The following SLC39A11 variants were observed in gnomAD, a reference collection of about 807,000 sequenced individuals.
SLC39A11 encodes zinc transporter ZIP11.
Under a neutral mutation model 36.1 loss-of-function variants are expected in SLC39A11, and 33 were observed. The observed-to-expected ratio is 0.91, with a 90% CI of 0.69 to 1.22. SLC39A11 has a LOEUF of 1.22. Ranked by LOEUF, SLC39A11 falls within the 50% of genes most tolerant of loss-of-function variation. SLC39A11 has a pLI of 0.00. For synonymous variants in SLC39A11, 166 were observed against 170.3 expected (o/e 0.97, Z 0.20); for missense variants, 432 against 430.3 (o/e 1.00, Z -0.03).
At chr17:72,963,569 A>T (rs377241070) in intron 4 of SLC39A11, among the ~76,000 whole-genome samples, 27 of 152,220 alleles carry the variant, frequency 1.8e-4, no homozygotes, top group Middle Eastern at 3.4e-3. Context: ...GCACGTTGAC[A>T]TTTCTAGGGT....
chr17:72,984,117 T>A (rs1031291797), intron 4 of SLC39A11, among the ~76,000 whole-genome samples: 1 of 151,974 alleles, frequency 6.6e-6, no homozygotes, highest in Non-Finnish European at 1.5e-5. Context: ...CAGAGCCACA[T>A]TGAAATAGAG....
In SLC39A11 at chr17:72,798,508, G is replaced by C. The variant is rs1284304507; in HGVS notation, c.601+51126C>G. On this transcript the variant is annotated intron_variant, in intron 6 of 9. Transcript: ENST00000255559. ...AGCTCTCTGCAACCTCTGCCTTCCA[G>C]GTTCATGCAATTCTCCGACCTCAGC... 8.1e-5 allele frequency among the ~76,000 whole-genome samples: 12 copies of C among 148,800 alleles called. No individual in the cohort carries two copies. In the Admixed American group the frequency reaches 8.3e-4, roughly 10 times the overall value.
chr17:72,888,109 G>A (rs137986788), intron 5 of SLC39A11, among the ~76,000 whole-genome samples: 68 of 152,330 alleles, frequency 4.5e-4, no homozygotes, highest in African/African-American at 1.6e-3. Flanking sequence ...TCTTCCCAGA[G>A]TCGTATGAGT....
chr17:73,026,516 T>TG (rs2058559152), intron 4 of SLC39A11, among the ~76,000 whole-genome samples: 2 of 36,336 alleles, frequency 5.5e-5, no homozygotes, highest in South Asian at 1.3e-3. Flanking sequence ...CGAAACTACA[T>TG]CAAAAAAAAA....
intron 5 of SLC39A11, among the ~76,000 whole-genome samples, chr17:72,912,290 G>A (rs2083054612): frequency 1.3e-5 from 2 of 151,930 alleles, no homozygotes; most frequent in Admixed American, 1.3e-4. Context: ...AGAGGACCTA[G>A]TGCAGTCCCC....
At chr17:73,083,690 A>G (rs1027756344) in intron 3 of SLC39A11, among the ~76,000 whole-genome samples, 2 of 148,324 alleles carry the variant, frequency 1.3e-5, no homozygotes. Context: ...CAAATGACCC[A>G]GTTTCTCCAA....
At chr17:72,660,009 AC>A (rs1222814232) in intron 7 of SLC39A11, among the ~76,000 whole-genome samples, 1 of 151,960 alleles carries the variant, frequency 6.6e-6, no homozygotes, top group Non-Finnish European at 1.5e-5. Context: ...GCGAAGTACC[AC>A]CCCAGGGGTC....
chr17:72,774,001 G>A (rs1168511350), intron 6 of SLC39A11, among the ~76,000 whole-genome samples: 1 of 152,142 alleles, frequency 6.6e-6, no homozygotes, highest in African/African-American at 2.4e-5. Context: ...GAAGCCAGAC[G>A]TGCTAATGGG....
intron 3 of SLC39A11, among the ~76,000 whole-genome samples, chr17:73,061,710 T>C (rs1313627595): frequency 1.3e-5 from 2 of 152,168 alleles, no homozygotes; most frequent in African/African-American, 2.4e-5. Flanking sequence ...AAAAGTTCTG[T>C]GCAGGCTGGG....
chr17:72,819,499 G>A (rs1223360654), intron 6 of SLC39A11, among the ~76,000 whole-genome samples: 2 of 151,298 alleles, frequency 1.3e-5, no homozygotes, highest in Non-Finnish European at 3.0e-5. Flanking sequence ...GGGGGCAGAT[G>A]GCCAATCCCA....
chr17:72,921,337 A>G (rs2083658701), intron 5 of SLC39A11, among the ~76,000 whole-genome samples: 1 of 152,206 alleles, frequency 6.6e-6, no homozygotes, highest in Non-Finnish European at 1.5e-5. Flanking sequence ...CTGAATCAGA[A>G]GACAGTGAGG....
At chr17:72,876,932 C>T (rs1292993436) in intron 5 of SLC39A11, among the ~76,000 whole-genome samples, 1 of 152,200 alleles carries the variant, frequency 6.6e-6, no homozygotes, top group East Asian at 1.9e-4. Context: ...CTACAGAAAC[C>T]ACTCCAATTT....
chr17:73,034,433 G>C (rs2058837809), intron 3 of SLC39A11, among the ~76,000 whole-genome samples: 1 of 152,180 alleles, frequency 6.6e-6, no homozygotes, highest in Non-Finnish European at 1.5e-5. Flanking sequence ...TGTTGGCCAG[G>C]CTGGTCTCGA....
intron 6 of SLC39A11, among the ~76,000 whole-genome samples, chr17:72,774,967 T>C (rs140294529): frequency 6.6e-6 from 1 of 151,882 alleles, no homozygotes; most frequent in Non-Finnish European, 1.5e-5. Context: ...GCACCCATTG[T>C]CAAGGGAGTA....
At chr17:72,757,687 G>A (rs1598600746) in intron 6 of SLC39A11, among the ~76,000 whole-genome samples, 2 of 150,872 alleles carry the variant, frequency 1.3e-5, no homozygotes, top group South Asian at 2.1e-4. Flanking sequence ...TTCTTCCCCT[G>A]GTCACTGGCT....
At chr17:72,851,524 C>T (rs1021464067) in intron 5 of SLC39A11, among the ~76,000 whole-genome samples, 1 of 152,202 alleles carries the variant, frequency 6.6e-6, no homozygotes, top group Non-Finnish European at 1.5e-5. Flanking sequence ...AAGCAAAAGG[C>T]CATTGGTCTG....
intron 4 of SLC39A11, among the ~76,000 whole-genome samples, chr17:73,007,188 C>T (rs930930868): frequency 2.6e-5 from 4 of 152,012 alleles, no homozygotes; most frequent in South Asian, 2.1e-4. Flanking sequence ...TTTCGGAGGC[C>T]GAGGTGAGTG....
chr17:72,649,872 C>T lies in SLC39A11; in HGVS notation c.672-604G>A, dbSNP rs149520407. On this transcript the variant is annotated intron_variant, in intron 7 of 9. Transcript: ENST00000255559. ...CCTCCCAAAGTGCTGGGATTATGGG[C>T]GTGAGCCACGGCACCCAGCCTACAC... 5.5e-3 allele frequency among the ~76,000 whole-genome samples: 831 copies of T among 152,024 alleles called. 8 individuals carry two copies. The highest frequency in any genetic ancestry group is 0.019 in the African/African-American group (775 of 41,470).
chr17:72,654,047 A>G (rs947692547), intron 7 of SLC39A11, among the ~76,000 whole-genome samples: 3 of 152,108 alleles, frequency 2.0e-5, no homozygotes, highest in African/African-American at 7.2e-5. Flanking sequence ...GTGTGTGCGG[A>G]AGGGTGGGGC....
Sources: allele counts gnomAD v4.1 joint callset (sites outside exome capture counted in the v4.1 genomes callset), GRCh38; gene constraint gnomAD v4.1.1; transcripts MANE v1.5; gene names NCBI Gene and HGNC (gene_info 2026-07-23, HGNC 2026-07-21).